The following GNPTAB variants were observed in gnomAD, a reference collection of about 807,000 sequenced individuals.
The protein encoded by GNPTAB is N-acetylglucosamine-1-phosphotransferase subunits alpha/beta.
In GNPTAB, 92 loss-of-function variants were observed where a neutral mutation model predicts 136.6. The ratio of observed to expected loss-of-function variants is 0.67; its 90% CI spans 0.57 to 0.80. GNPTAB has a LOEUF of 0.80. Among genes scored for constraint, GNPTAB ranks in the 30% least tolerant of loss-of-function variants. The probability of loss-of-function intolerance (pLI) is 0.00; values close to 1 mark genes in which losing one functional copy is unlikely to be tolerated. For synonymous variants in GNPTAB, 512 were observed against 535.1 expected (o/e 0.96, Z 0.60); for missense variants, 1,343 against 1,501.8 (o/e 0.89, Z 1.75).
Position 101,749,153 on chromosome 12 carries a change from C to G in GNPTAB, c.3641G>C (p.Cys1214Ser). ...YRDKLKFWTHCVLATLIMFTI... is the reference protein window; with the variant it reads ...YRDKLKFWTHSVLATLIMFTI... ...AAACATAATCAATGTTGCTAGTACA[C>G]AATGGGTCCAAAACTTCAATTTGTC... Residue 1214 changes from cysteine to serine, a missense_variant, in exon 20 of 21, where the codon TGT becomes TCT. By Grantham distance (112) the Cys-to-Ser change is moderately radical. Transcript: ENST00000299314. 1 of 1,612,912 alleles carries G rather than the reference C, an allele frequency of 6.2e-7. No individual in the cohort carries two copies.
chr12:101,753,641 C>T, intron 18 of GNPTAB, 102 bp from the exon 19 acceptor site: 1 of 970,130 alleles, frequency 1.0e-6, no homozygotes, highest in Non-Finnish European at 1.6e-6. Flanking sequence ...GACTTATGTC[C>T]CAAGTTGGTA....
At position 101,811,094 on chromosome 12, in the gene GNPTAB, C is replaced by A. The variant is rs1034089722; in HGVS notation, c.118-14332G>T. ...TGGCTGGTCCCTGGAGGATGAGAGACCCGTGGAGCAGAGCCAACCAAGTCC... is the reference window on the plus strand; with the variant it reads ...TGGCTGGTCCCTGGAGGATGAGAGAACCGTGGAGCAGAGCCAACCAAGTCC... On this transcript the variant is annotated intron_variant, in intron 1 of 20. Coordinates refer to ENST00000299314, the MANE Select transcript of GNPTAB (RefSeq NM_024312.5). Among the ~76,000 whole-genome samples, 5 of 152,308 alleles carry A rather than the reference C, an allele frequency of 3.3e-5. No homozygotes were observed. In the East Asian group the frequency reaches 5.8e-4, roughly 18 times the overall value.
chr12:101,817,231 T>C (rs1459071883), intron 1 of GNPTAB, among the ~76,000 whole-genome samples: 1 of 151,360 alleles, frequency 6.6e-6, no homozygotes. Flanking sequence ...GTTGAGATGA[T>C]GGATATCCCC....
chr12:101,796,858 G>C, intron 1 of GNPTAB, 96 bp from the exon 2 acceptor site: 1 of 851,574 alleles, frequency 1.2e-6, no homozygotes, highest in Non-Finnish European at 1.9e-6. Flanking sequence ...CTAGAGAAAT[G>C]GGTAAAGAAA....
At chr12:101,760,457 A>C (rs192649374) in intron 15 of GNPTAB, among the ~76,000 whole-genome samples, 194 of 151,970 alleles carry the variant, frequency 1.3e-3, no homozygotes, top group Middle Eastern at 3.4e-3. Context: ...TGAGTTTCCT[A>C]CTCCTGGGAC....
chr12:101,789,902 T>C lies in GNPTAB; in HGVS notation c.323+36A>G, dbSNP rs182910639. On this transcript the variant is annotated intron_variant, in intron 3 of 20. Transcript: ENST00000299314. ...CCTCAGACCTTATTACATCGCCACA[T>C]TACCCATCTGATGTGAAAAAAAAAA... 1,699 of 1,602,556 alleles carry C rather than the reference T, an allele frequency of 1.1e-3. 36 individuals carry two copies. In the Admixed American group the frequency reaches 0.026, roughly 25 times the overall value.
At chr12:101,820,995 T>TGCA (rs1394758933) in intron 1 of GNPTAB, among the ~76,000 whole-genome samples, 1 of 146,886 alleles carries the variant, frequency 6.8e-6, no homozygotes, top group African/African-American at 2.5e-5. Context: ...AGGTGGAGGT[T>TGCA]GCAGTGAGCC....
intron 3 of GNPTAB, 139 bp from the exon 4 acceptor site, chr12:101,788,728 C>T (rs1227550136): frequency 6.0e-6 from 4 of 662,712 alleles, no homozygotes; most frequent in East Asian, 2.7e-5. Context: ...CATTTTCATG[C>T]ACTGGGAAAG....
intron 7 of GNPTAB, among the ~76,000 whole-genome samples, chr12:101,777,165 GTT>G (rs1953273071): frequency 6.6e-6 from 1 of 152,182 alleles, no homozygotes; most frequent in African/African-American, 2.4e-5. Flanking sequence ...GATGTTGAGT[GTT>G]TCTCTCAGAT....
rs1362743520 is a variant in GNPTAB at position 101,771,170 on chromosome 12, A to G, written c.772-13T>C. 1 of 1,610,236 alleles carries G rather than the reference A, an allele frequency of 6.2e-7. No individual in the cohort carries two copies. The highest frequency in any genetic ancestry group is 8.5e-7 in the Non-Finnish European group (1 of 1,176,584). On this transcript the variant is annotated splice_polypyrimidine_tract_variant and intron_variant, in intron 7 of 20. Coordinates refer to ENST00000299314, the MANE Select transcript of GNPTAB (RefSeq NM_024312.5). ...AATACAACTGCAACTATCAAATAAC[A>G]AGAGGATTACACATGAAAAGACTGA...
chr12:101,765,999 A>G, intron 12 of GNPTAB, 92 bp downstream of exon 12: 1 of 1,052,306 alleles, frequency 9.5e-7, no homozygotes, highest in Non-Finnish European at 1.5e-6. Context: ...ACAGAGAATC[A>G]TTATTTTAAA....
At chr12:101,769,971 T>C (rs750505453) in intron 10 of GNPTAB, 50 bp downstream of exon 10, 1 of 1,545,600 alleles carries the variant, frequency 6.5e-7, no homozygotes, top group Non-Finnish European at 8.9e-7. Context: ...ATTTTCTGAT[T>C]TGCTAAGTGA....
intron 1 of GNPTAB, among the ~76,000 whole-genome samples, chr12:101,806,907 G>A (rs928615323): frequency 6.6e-6 from 1 of 152,006 alleles, no homozygotes; most frequent in African/African-American, 2.4e-5. Context: ...TGGAAGCAGA[G>A]AGAACATTTC....
chr12:101,759,179 C>T (rs932776366), intron 16 of GNPTAB, among the ~76,000 whole-genome samples: 2 of 151,876 alleles, frequency 1.3e-5, no homozygotes, highest in Admixed American at 6.6e-5. Context: ...CTGGCTAACA[C>T]GGTGAAACCC....
chr12:101,805,451 C>G (rs1224492515), intron 1 of GNPTAB, among the ~76,000 whole-genome samples: 1 of 152,182 alleles, frequency 6.6e-6, no homozygotes, highest in Non-Finnish European at 1.5e-5. Context: ...GCAGTGGCGT[C>G]ATCAAGGTTC....
chr12:101,813,096 T>C (rs1287138451), intron 1 of GNPTAB, among the ~76,000 whole-genome samples: 3 of 151,804 alleles, frequency 2.0e-5, no homozygotes, highest in South Asian at 2.1e-4. Flanking sequence ...GCCTCCCAAA[T>C]TGCTGGGATT....
intron 19 of GNPTAB, among the ~76,000 whole-genome samples, chr12:101,750,056 T>C (rs1052188100): frequency 6.6e-6 from 1 of 151,944 alleles, no homozygotes; most frequent in African/African-American, 2.4e-5. Context: ...GCAGTGACAA[T>C]GAAAAGAAAT....
rs886038684 is a variant in GNPTAB, at chr12:101,780,563, G to T, written c.630C>A (p.Gly210=). 1 of 1,603,024 alleles carries T rather than the reference G, an allele frequency of 6.2e-7. No homozygotes were observed. Among genetic ancestry groups the T allele is most frequent in the Admixed American group, 1.7e-5 (1 of 59,982 alleles). Residue 210 remains glycine (G), a synonymous_variant, in exon 6 of 21, where the codon GGC becomes GGA. Coordinates refer to ENST00000299314, the MANE Select transcript of GNPTAB (RefSeq NM_024312.5). Reference sequence around the variant, plus strand: ...TAAATTTAAAATAACATACCAAGTAGCCCCTCCATACTGTCTGTCTGCTAT... The same window carrying T: ...TAAATTTAAAATAACATACCAAGTATCCCCTCCATACTGTCTGTCTGCTAT... ...KGNSRQTVWR[G]YLTTDKEVPG...
chr12:101,798,605 T>C (rs1869434498), intron 1 of GNPTAB, among the ~76,000 whole-genome samples: 2 of 152,196 alleles, frequency 1.3e-5, no homozygotes, highest in Admixed American at 1.3e-4. Context: ...CGTTTGCAAT[T>C]GAGAGAGGTA....
Sources: gnomAD v4.1 joint callset for allele counts (sites outside exome capture counted in the v4.1 genomes callset) on GRCh38, gnomAD v4.1.1 for gene constraint, MANE v1.5 for transcripts, NCBI Gene and HGNC (gene_info 2026-07-23, HGNC 2026-07-21) for gene names.